Variants in TTC28 observed in about 807,000 individuals in gnomAD.
The protein encoded by TTC28 is tetratricopeptide repeat protein 28.
Under a neutral mutation model 198.0 loss-of-function variants are expected in TTC28, and 61 were observed. That is an observed-to-expected ratio of 0.31 (90% CI 0.25 to 0.38). The LOEUF is 0.38. Among genes scored for constraint, TTC28 ranks in the 10% least tolerant of loss-of-function variants. The pLI is 1.00. For synonymous variants in TTC28, 1,171 were observed against 1,297.8 expected (o/e 0.90, Z 2.10); for missense variants, 2,678 against 3,164.0 (o/e 0.85, Z 3.69).
chr22:28,073,702 C>G (rs1035745167), intron 12 of TTC28, among the ~76,000 whole-genome samples: 1 of 152,166 alleles, frequency 6.6e-6, no homozygotes, highest in Non-Finnish European at 1.5e-5. Flanking sequence ...GGGCTTGATA[C>G]GAGATTTGCT....
chr22:28,349,340 A>G (rs1301611745), intron 2 of TTC28, among the ~76,000 whole-genome samples: 1 of 152,252 alleles, frequency 6.6e-6, no homozygotes, highest in African/African-American at 2.4e-5. Flanking sequence ...AAAGCACTTT[A>G]AATGTCATAA....
chr22:28,393,999 A>G (rs2046775001), intron 2 of TTC28, among the ~76,000 whole-genome samples: 1 of 152,178 alleles, frequency 6.6e-6, no homozygotes, highest in Non-Finnish European at 1.5e-5. Context: ...TCAGCCTCCC[A>G]AGTAGCTGGG....
chr22:28,607,611 C>A (rs1321050851), intron 2 of TTC28, among the ~76,000 whole-genome samples: 1 of 152,050 alleles, frequency 6.6e-6, no homozygotes, highest in Non-Finnish European at 1.5e-5. Flanking sequence ...AAACAGCATG[C>A]ACAGATGTTA....
chr22:28,003,007 T>C (rs1248050445), intron 14 of TTC28, among the ~76,000 whole-genome samples: 1 of 152,170 alleles, frequency 6.6e-6, no homozygotes, highest in Non-Finnish European at 1.5e-5. Flanking sequence ...AAAAAAGAGC[T>C]ACAGTATTTC....
At chr22:28,104,978 G>A (rs1442445966) in intron 8 of TTC28, among the ~76,000 whole-genome samples, 4 of 152,168 alleles carry the variant, frequency 2.6e-5, no homozygotes, top group Middle Eastern at 3.2e-3. Flanking sequence ...GAAAAGCAAG[G>A]AGGGTATCAG....
chr22:28,230,767 G>A (rs1928740651), intron 5 of TTC28, among the ~76,000 whole-genome samples: 1 of 152,146 alleles, frequency 6.6e-6, no homozygotes, highest in East Asian at 1.9e-4. Flanking sequence ...TGTATGGGCA[G>A]AAAAATTTTA....
chr22:28,028,958 C>CA (rs1297171346), intron 13 of TTC28: 68 of 470,646 alleles, frequency 1.4e-4, no homozygotes, highest in Non-Finnish European at 2.6e-4. Flanking sequence ...GTGGCAAGGC[C>CA]AGAGGCTGCA....
At chr22:28,267,101 G>A (rs760090603) in intron 5 of TTC28, among the ~76,000 whole-genome samples, 46 of 152,182 alleles carry the variant, frequency 3.0e-4, no homozygotes, top group African/African-American at 1.1e-3. Flanking sequence ...TGAGAAAACT[G>A]AGTAACAGTT....
At chr22:28,127,198 G>A (rs1402516333) in intron 6 of TTC28, among the ~76,000 whole-genome samples, 1 of 152,184 alleles carries the variant, frequency 6.6e-6, no homozygotes, top group Non-Finnish European at 1.5e-5. Flanking sequence ...ACAAGACTGG[G>A]CCTTGGAGAT....
chr22:28,571,963 A>AAC (rs2050068090), intron 2 of TTC28, among the ~76,000 whole-genome samples: 5 of 148,194 alleles, frequency 3.4e-5, no homozygotes, highest in African/African-American at 5.0e-5. Flanking sequence ...AAAAAAAAAA[A>AAC]AAAAACAAAC....
At chr22:28,325,373 T>C (rs1167203013) in intron 2 of TTC28, among the ~76,000 whole-genome samples, 1 of 137,760 alleles carries the variant, frequency 7.3e-6, no homozygotes, top group Non-Finnish European at 1.6e-5. Flanking sequence ...TCTTTTCTTC[T>C]TTATTAGTCT....
chr22:28,561,081 T>C (rs1456241166), intron 2 of TTC28, among the ~76,000 whole-genome samples: 1 of 139,676 alleles, frequency 7.2e-6, no homozygotes, highest in Non-Finnish European at 1.5e-5. Flanking sequence ...TCTTTTTTTT[T>C]TTTTTTTTTT....
chr22:28,441,853 A>G lies in TTC28; in HGVS notation c.382-135210T>C, dbSNP rs16986429. 6.7e-3 allele frequency among the ~76,000 whole-genome samples: 1,022 copies of G among 151,850 alleles called. 18 individuals carry two copies. Among genetic ancestry groups the G allele is most frequent in the African/African-American group, 0.023 (968 of 41,376 alleles). On this transcript the variant is annotated intron_variant, in intron 2 of 22. Coordinates refer to ENST00000397906, the MANE Select transcript of TTC28 (RefSeq NM_001145418.2). ...TATGTTTTCCTTCAGAAGAATGTCA[A>G]TAAAAACCACGGCCAAATGAGGTAT...
At chr22:28,148,419 C>T (rs1943524028) in intron 6 of TTC28, among the ~76,000 whole-genome samples, 1 of 152,142 alleles carries the variant, frequency 6.6e-6, no homozygotes, top group African/African-American at 2.4e-5. Flanking sequence ...CGAGACCATC[C>T]TGGCTAACAT....
At chr22:28,183,760 C>T (rs1341857351) in intron 5 of TTC28, among the ~76,000 whole-genome samples, 1 of 151,934 alleles carries the variant, frequency 6.6e-6, no homozygotes. Context: ...TATTTTAATG[C>T]CAATTATCTA....
intron 6 of TTC28, among the ~76,000 whole-genome samples, chr22:28,161,375 C>G (rs1461403106): frequency 1.3e-5 from 2 of 152,086 alleles, no homozygotes; most frequent in African/African-American, 2.4e-5. Flanking sequence ...AACAACAAAA[C>G]AACAAATGAA....
rs1236346676 is a variant in TTC28 at position 28,107,929 on chromosome 22, T to C, written c.1916A>G (p.Asn639Ser). The stretch of plus-strand genomic sequence containing the variant: ...AAGGCAGTAATGGGCATAGCCAAGA[T>C]TGTGGCAGACCTTCCCTTCTCCTTC... The part of the protein sequence containing the change: ...DMEGEGKVCH[N>S]LGYAHYCLGN... The change falls in exon 7 of 23, where the codon AAT becomes AGT. Residue 639 changes from asparagine (N) to serine (S), a missense_variant. Transcript: ENST00000397906. 6 of 1,551,690 alleles carry C rather than the reference T, an allele frequency of 3.9e-6. No homozygotes were observed. The highest frequency in any genetic ancestry group is 5.2e-6 in the Non-Finnish European group (6 of 1,147,004).
intron 1 of TTC28, among the ~76,000 whole-genome samples, chr22:28,653,325 G>A (rs1384578556): frequency 2.0e-5 from 3 of 152,044 alleles, no homozygotes; most frequent in Admixed American, 6.6e-5. Context: ...GTAACATGGC[G>A]AAACCCCATC....
chr22:28,063,276 T>C (rs984610129), intron 12 of TTC28, among the ~76,000 whole-genome samples: 3 of 152,214 alleles, frequency 2.0e-5, no homozygotes, highest in Non-Finnish European at 4.4e-5. Flanking sequence ...GTCCCCCTCA[T>C]TTTCCAGAGG....
Sources: allele counts gnomAD v4.1 joint callset (sites outside exome capture counted in the v4.1 genomes callset), GRCh38; gene constraint gnomAD v4.1.1; transcripts MANE v1.5; gene names NCBI Gene and HGNC (gene_info 2026-07-23, HGNC 2026-07-21).